The following STARD13 variants were observed in gnomAD, a reference collection of about 807,000 sequenced individuals.
The protein encoded by STARD13 is StAR related lipid transfer domain containing 13.
Under a neutral mutation model 106.4 loss-of-function variants are expected in STARD13, and 62 were observed. The ratio of observed to expected loss-of-function variants is 0.58; its 90% CI spans 0.48 to 0.72. The LOEUF is 0.72. Among genes scored for constraint, STARD13 ranks in the 30% least tolerant of loss-of-function variants. The pLI, the probability that STARD13 is intolerant of heterozygous loss-of-function variation, is 0.00. For missense variants in STARD13, 1,387 were observed against 1,424.0 expected (o/e 0.97, Z 0.42); for synonymous variants, 565 against 553.0 (o/e 1.02, Z -0.31).
chr13:33,439,721 G>A, the STARD13 span: 53 of 1,257,224 alleles, frequency 4.2e-5, no homozygotes, highest in Middle Eastern at 2.3e-3. Context: ...TTATCAGAGA[G>A]CACCTGTAAA....
intron 9 of STARD13, 148 bp downstream of exon 9, chr13:33,112,573 T>C (rs1874744827): frequency 3.0e-6 from 2 of 657,262 alleles, no homozygotes; most frequent in Non-Finnish European, 2.6e-6. Flanking sequence ...CTACCTATCG[T>C]TGATCTATCT....
the STARD13 span, among the ~76,000 whole-genome samples, chr13:33,585,137 G>A: frequency 2.7e-4 from 41 of 152,130 alleles, no homozygotes; most frequent in Admixed American, 1.4e-3. Flanking sequence ...AACAAGTGTC[G>A]GCAAAGATAT....
intron 1 of STARD13, among the ~76,000 whole-genome samples, chr13:33,338,055 G>C (rs1464071810): frequency 6.6e-6 from 1 of 152,170 alleles, no homozygotes; most frequent in Non-Finnish European, 1.5e-5. Flanking sequence ...GTCCCCTCTT[G>C]TCCCTTCTTC....
the STARD13 span, among the ~76,000 whole-genome samples, chr13:33,575,223 C>T: frequency 7.9e-5 from 12 of 152,034 alleles, no homozygotes; most frequent in African/African-American, 2.4e-4. Context: ...GCCATACCTA[C>T]GTATTTTAAA....
intron 1 of STARD13, among the ~76,000 whole-genome samples, chr13:33,260,133 A>T (rs1336908985): frequency 6.6e-6 from 1 of 152,226 alleles, no homozygotes; most frequent in East Asian, 1.9e-4. Flanking sequence ...TAACTGGTCC[A>T]TGGTCAAACA....
At chr13:33,223,838 T>G (rs772280593) in intron 1 of STARD13, among the ~76,000 whole-genome samples, 4 of 152,180 alleles carry the variant, frequency 2.6e-5, no homozygotes, top group Non-Finnish European at 5.9e-5. Flanking sequence ...AATATTTATG[T>G]CATATGGTGG....
chr13:33,350,712 C>T (rs2078069752), upstream of STARD13: 2 of 1,042,302 alleles, frequency 1.9e-6, no homozygotes, highest in Non-Finnish European at 2.3e-6. Context: ...CGCTCCTCCA[C>T]TCCCCTCCCT....
chr13:33,252,779 AATAAAATTGGATT>A (rs1469731410), intron 1 of STARD13, among the ~76,000 whole-genome samples: 1 of 152,238 alleles, frequency 6.6e-6, no homozygotes, highest in African/African-American at 2.4e-5. Flanking sequence ...GTACTTTTCC[AATAAAATTGGATT>A]TGACGCAAGT....
At chr13:33,193,546 G>C (rs1331378501) in intron 1 of STARD13, among the ~76,000 whole-genome samples, 1 of 152,178 alleles carries the variant, frequency 6.6e-6, no homozygotes, top group African/African-American at 2.4e-5. Flanking sequence ...TTTTGGAGAT[G>C]AGCAACTAGA....
the STARD13 span, among the ~76,000 whole-genome samples, chr13:33,477,138 T>G: frequency 6.6e-6 from 1 of 152,226 alleles, no homozygotes; most frequent in East Asian, 1.9e-4. Flanking sequence ...TTAATTCAAA[T>G]GAGTTTAACA....
chr13:33,163,550 AC>A (rs1258452992), intron 3 of STARD13, among the ~76,000 whole-genome samples: 1 of 144,690 alleles, frequency 6.9e-6, no homozygotes, highest in Non-Finnish European at 1.5e-5. Flanking sequence ...AGATTGCACC[AC>A]TGTGCTCCAG....
At chr13:33,403,861 A>T in the STARD13 span, among the ~76,000 whole-genome samples, 2 of 152,300 alleles carry the variant, frequency 1.3e-5, no homozygotes, top group East Asian at 3.9e-4. Flanking sequence ...TTCACTTGCT[A>T]TAAGGGTTAA....
At chr13:33,217,707 G>A (rs1888123893) in intron 1 of STARD13, among the ~76,000 whole-genome samples, 1 of 152,144 alleles carries the variant, frequency 6.6e-6, no homozygotes, top group South Asian at 2.1e-4. Context: ...CTCCCTCTGG[G>A]AAGAATGCAC....
chr13:33,588,117 T>C, the STARD13 span, among the ~76,000 whole-genome samples: 1 of 152,116 alleles, frequency 6.6e-6, no homozygotes, highest in Non-Finnish European at 1.5e-5. Context: ...AAAAGTCACA[T>C]ATGCACATCT....
chr13:33,118,076 T>G lies in STARD13; in HGVS notation c.2270A>C (p.His757Pro), dbSNP rs753951894. The G allele has an allele frequency of 6.2e-7, 1 of 1,614,170 alleles. No individual in the cohort carries two copies. Among genetic ancestry groups the G allele is most frequent in the South Asian group, 1.1e-5 (1 of 91,072 alleles). Reference sequence around the variant, plus strand: ...TTATTTCCACTTACACTGATAGATATGGAGAAAGGTCTCACTGAGCTTGTT... The same window carrying G: ...TTATTTCCACTTACACTGATAGATAGGGAGAAAGGTCTCACTGAGCTTGTT... ...FTNKLSETFL[H>P]IYQYVSKEQR... Residue 757 changes from histidine (H) to proline (P), a missense_variant, in exon 8 of 14, where the codon CAT becomes CCT. By Grantham distance (77) the His-to-Pro change is moderately conservative. Transcript: ENST00000336934.
rs1223148450 is a variant in STARD13, at chr13:33,129,112, C to T, written c.1565G>A (p.Gly522Asp). The T allele has an allele frequency of 6.2e-7, 1 of 1,614,070 alleles. No homozygotes were observed. The highest frequency in any genetic ancestry group is 2.2e-5 in the East Asian group (1 of 44,898). ...ATTAGGAGATGGAAAGGTGGATAAG[C>T]CAGGTTCCCCAACCAATGTATCATG... The part of the protein sequence containing the change: ...QTHDTLVGEP[G>D]LSTFPSPNQI... The change falls in exon 5 of 14, where the codon GGC (glycine) becomes GAC (aspartate). Residue 522 changes from glycine to aspartate, a missense_variant. Transcript: ENST00000336934.
the STARD13 span, among the ~76,000 whole-genome samples, chr13:33,547,729 A>G: frequency 3.3e-5 from 5 of 152,240 alleles, no homozygotes; most frequent in Non-Finnish European, 7.3e-5. Context: ...ATCACAGTGC[A>G]CTGGCATTTT....
the STARD13 span, among the ~76,000 whole-genome samples, chr13:33,540,810 G>GAAGGAAAGGGCAAAGTCAGTA: frequency 6.6e-6 from 1 of 152,204 alleles, no homozygotes; most frequent in Non-Finnish European, 1.5e-5. Flanking sequence ...TTGGATTACA[G>GAAGGAAAGGGCAAAGTCAGTA]AAGGAAAGGG....
At chr13:33,343,857 A>C (rs2077990547), downstream of STARD13, among the ~76,000 whole-genome samples, 1 of 151,800 alleles carries the variant, frequency 6.6e-6, no homozygotes, top group Admixed American at 6.6e-5. Flanking sequence ...AACAAAGCCT[A>C]ACTTTATCTT....
Sources: allele counts gnomAD v4.1 joint callset (sites outside exome capture counted in the v4.1 genomes callset), GRCh38; gene constraint gnomAD v4.1.1; transcripts MANE v1.5; gene names NCBI Gene and HGNC (gene_info 2026-07-23, HGNC 2026-07-21).